AXIN1: variants seen among roughly 807,000 people sequenced by gnomAD.
The protein encoded by AXIN1 is axin 1, also known as axin-1.
Under a neutral mutation model 76.4 loss-of-function variants are expected in AXIN1, and 30 were observed. The ratio of observed to expected loss-of-function variants is 0.39; its 90% CI spans 0.29 to 0.53. The LOEUF (loss-of-function observed/expected upper bound fraction) is 0.53. Among genes scored for constraint, AXIN1 ranks in the 20% least tolerant of loss-of-function variants. The probability of loss-of-function intolerance (pLI) is 0.66; values close to 1 mark genes in which losing one functional copy is unlikely to be tolerated. For synonymous variants in AXIN1, 545 were observed against 501.4 expected, an observed-to-expected ratio of 1.09 and a Z score of -1.16; for missense variants, 1,140 against 1,198.8, an observed-to-expected ratio of 0.95 and a Z score of 0.72.
chr16:334,350 C>CACA (rs2053758276), intron 2 of AXIN1, among the ~76,000 whole-genome samples: 1 of 150,712 alleles, frequency 6.6e-6, no homozygotes, highest in Non-Finnish European at 1.5e-5. Context: ...CACCCAGTAC[C>CACA]ACAACACACC....
chr16:339,196 CAAAAAAAAAAA>C (rs1002630324), intron 2 of AXIN1, among the ~76,000 whole-genome samples: 2 of 34,672 alleles, frequency 5.8e-5, no homozygotes, highest in African/African-American at 2.3e-4. Context: ...AGCCTGGTCT[CAAAAAAAAAAA>C]AAAAAAAAAA....
intron 2 of AXIN1, among the ~76,000 whole-genome samples, chr16:325,939 C>G (rs1480052212): frequency 6.6e-6 from 1 of 152,110 alleles, no homozygotes; most frequent in African/African-American, 2.4e-5. Flanking sequence ...GGGCCCCACT[C>G]ACTCACGCTG....
At chr16:299,724 C>G (rs980039413) in intron 5 of AXIN1, among the ~76,000 whole-genome samples, 1 of 149,784 alleles carries the variant, frequency 6.7e-6, no homozygotes, top group African/African-American at 2.5e-5. Flanking sequence ...GGCACGATCT[C>G]GGCTCACTGC....
At chr16:326,380 T>C (rs1181509016) in intron 2 of AXIN1, among the ~76,000 whole-genome samples, 33 of 125,978 alleles carry the variant, frequency 2.6e-4, no homozygotes, top group African/African-American at 9.2e-4. Context: ...AAAATATATA[T>C]ATATATATAT....
intron 5 of AXIN1, among the ~76,000 whole-genome samples, chr16:303,533 C>T (rs1429487557): frequency 6.6e-6 from 1 of 152,066 alleles, no homozygotes; most frequent in Admixed American, 6.6e-5. Context: ...AGGCACCTGA[C>T]ACCAACCCGG....
In AXIN1 at chr16:289,592, C is replaced by T; in HGVS notation, c.2310G>A (p.Arg770=). The change falls in exon 10 of 11, where the codon AGG becomes AGA. Residue 770 remains arginine (R), a synonymous_variant. Transcript: ENST00000262320. The stretch of plus-strand genomic sequence containing the variant: ...GCTGGGCACTCCCGCCGCCCACCTT[C>T]CTCTGCGATCTTGTCCTGGGGAAAG... The part of the protein sequence containing the change: ...ELSETETRSQ[R]KVGGGSAQPC... The T allele has an allele frequency of 6.2e-7, 1 of 1,612,894 alleles. No homozygotes were observed. The highest frequency in any genetic ancestry group is 8.5e-7 in the Non-Finnish European group (1 of 1,179,936).
At chr16:295,661 C>A (rs972416989) in intron 7 of AXIN1, among the ~76,000 whole-genome samples, 3 of 152,080 alleles carry the variant, frequency 2.0e-5, no homozygotes, top group African/African-American at 7.2e-5. Context: ...GTATATACAG[C>A]TATTTAAAAA....
At chr16:301,740 T>C (rs557422750) in intron 5 of AXIN1, among the ~76,000 whole-genome samples, 1 of 152,064 alleles carries the variant, frequency 6.6e-6, no homozygotes, top group African/African-American at 2.4e-5. Context: ...ACGGCCAACA[T>C]GACAGCAAAG....
At chr16:327,133 C>T (rs2053601753) in intron 2 of AXIN1, among the ~76,000 whole-genome samples, 1 of 151,548 alleles carries the variant, frequency 6.6e-6, no homozygotes, top group Non-Finnish European at 1.5e-5. Flanking sequence ...CAGAGCGAGG[C>T]TCCGTCTCAA....
intron 2 of AXIN1, among the ~76,000 whole-genome samples, chr16:330,220 T>C (rs2053667010): frequency 6.6e-6 from 1 of 151,788 alleles, no homozygotes; most frequent in South Asian, 2.1e-4. Context: ...GCCACCACAC[T>C]CATCTCAATT....
Position 288,181 on chromosome 16 carries a change from C to T in AXIN1, c.2530G>A (p.Glu844Lys), listed in dbSNP as rs769195055. ...TCCTCAAAGACGGGCAGGACGGCCTCGTCCTCTCGAACCTCCTCAAACACC... is the reference window on the plus strand; with the variant it reads ...TCCTCAAAGACGGGCAGGACGGCCTTGTCCTCTCGAACCTCCTCAAACACC... The part of the protein sequence containing the change: ...GVVFEEVRED[E>K]AVLPVFEEKI... Residue 844 changes from glutamate to lysine, a missense_variant, in exon 11 of 11, where the codon GAG (glutamate) becomes AAG (lysine). By Grantham distance (56) the Glu-to-Lys change is moderately conservative. Around this residue, in one of 3 missense-constraint regions of AXIN1, gnomAD observed 429 missense variants for 405.8 expected, o/e 1.06. Transcript: ENST00000262320. The T allele has an allele frequency of 9.9e-6, 16 of 1,613,586 alleles. No individual in the cohort carries two copies. In the Admixed American group the frequency reaches 1.7e-4, roughly 17 times the overall value.
At chr16:291,168 A>G (rs2141475542) in intron 9 of AXIN1, 22 bp downstream of exon 9, 1 of 1,561,222 alleles carries the variant, frequency 6.4e-7, no homozygotes, top group Non-Finnish European at 8.7e-7. Flanking sequence ...CAGGACCGGG[A>G]GGACCCTCAG....
At chr16:324,792 GA>G (rs1430302206) in intron 2 of AXIN1, among the ~76,000 whole-genome samples, 3 of 152,150 alleles carry the variant, frequency 2.0e-5, no homozygotes, top group African/African-American at 7.2e-5. Context: ...CCAGCAGACA[GA>G]ACCCGCCCTG....
At chr16:313,273 GCCTGGGTGACAGTGAGAT>G (rs2053224453) in intron 3 of AXIN1, among the ~76,000 whole-genome samples, 1 of 152,214 alleles carries the variant, frequency 6.6e-6, no homozygotes, top group Non-Finnish European at 1.5e-5. Context: ...TTGCAGTCCA[GCCTGGGTGACAGTGAGAT>G]CCTGTCTCAA....
intron 4 of AXIN1, among the ~76,000 whole-genome samples, chr16:305,092 A>C (rs2052983814): frequency 1.3e-5 from 2 of 152,236 alleles, no homozygotes; most frequent in African/African-American, 4.8e-5. Flanking sequence ...TGTGAGCAGA[A>C]GGCCCCCGAG....
At chr16:303,874 G>A (rs761991575) in intron 5 of AXIN1, among the ~76,000 whole-genome samples, 32 of 152,208 alleles carry the variant, frequency 2.1e-4, no homozygotes, top group Non-Finnish European at 4.6e-4. Flanking sequence ...GGAGGTGGCA[G>A]AAAGTCTCAG....
chr16:298,701 G>C lies in AXIN1; in HGVS notation c.1255-450C>G, dbSNP rs541912977. On this transcript the variant is annotated intron_variant, in intron 5 of 10. Coordinates refer to ENST00000262320, the MANE Select transcript of AXIN1 (RefSeq NM_003502.4). ...TTTTTTGTACTTTGGGGACAGATGC[G>C]ATTCTCACCATATTGGCCAGGCTGG... Among the ~76,000 whole-genome samples the C allele has an allele frequency of 2.2e-4, 33 of 151,740 alleles. No homozygotes were observed. The South Asian group carries it at 6.3e-3, about 29-fold the overall frequency.
In AXIN1 at chr16:319,953, T is replaced by C. The variant is rs551106080; in HGVS notation, c.879-5270A>G. Reference sequence around the variant, plus strand: ...GCTCTTTCTTGCCTTCTTTGGGGTATTTTTTGCTTTCCATTTCCTCCCTCT... The same window carrying C: ...GCTCTTTCTTGCCTTCTTTGGGGTACTTTTTGCTTTCCATTTCCTCCCTCT... On this transcript the variant is annotated intron_variant, in intron 2 of 10. Transcript: ENST00000262320. 1.1e-4 allele frequency among the ~76,000 whole-genome samples: 17 copies of C among 152,268 alleles called. No homozygotes were observed. The South Asian group carries it at 3.5e-3, about 32-fold the overall frequency.
intron 4 of AXIN1, among the ~76,000 whole-genome samples, chr16:309,627 T>C (rs1267610874): frequency 6.6e-6 from 1 of 152,230 alleles, no homozygotes; most frequent in Non-Finnish European, 1.5e-5. Flanking sequence ...GGGCCAGGCC[T>C]GGGCTCTGAG....
Sources: gnomAD v4.1 joint callset for allele counts (sites outside exome capture counted in the v4.1 genomes callset) on GRCh38, gnomAD v4.1.1 for gene constraint, gnomAD v4.1.1 regional missense constraint, MANE v1.5 for transcripts, NCBI Gene and HGNC (gene_info 2026-07-23, HGNC 2026-07-21) for gene names.